Variants in SEMA4A observed in about 807,000 individuals in gnomAD.
SEMA4A encodes semaphorin-4A.
In SEMA4A, 52 loss-of-function variants were observed where a neutral mutation model predicts 72.5. The ratio of observed to expected loss-of-function variants is 0.72; its 90% confidence interval spans 0.57 to 0.90. The LOEUF (loss-of-function observed/expected upper bound fraction) is 0.90. SEMA4A is among the 40% of genes least tolerant of loss of function. The pLI is 0.00. For missense variants in SEMA4A, 926 were observed against 959.7 expected (o/e 0.96, Z 0.46); for synonymous variants, 369 against 393.1 (o/e 0.94, Z 0.73).
intron 10 of SEMA4A, among the ~76,000 whole-genome samples, chr1:156,164,603 C>T (rs1471383970): frequency 6.6e-6 from 1 of 152,166 alleles, no homozygotes; most frequent in African/African-American, 2.4e-5. Context: ...ACAGTAACTG[C>T]ACCCACCCCC....
upstream of SEMA4A, among the ~76,000 whole-genome samples, chr1:156,151,386 G>A (rs749200945): frequency 6.6e-6 from 1 of 152,234 alleles, no homozygotes; most frequent in South Asian, 2.1e-4. Flanking sequence ...CTGGTGTGAG[G>A]GGTGCACTGC....
rs1383789735 is a variant in SEMA4A at position 156,177,207 on chromosome 1, G to A, written c.*210G>A. Reference sequence around the variant, plus strand: ...TGGGACTCCCTTCTACCAAGCACATGAGCTCTCTAACAGGGTGGGGGCTAC... The same window carrying A: ...TGGGACTCCCTTCTACCAAGCACATAAGCTCTCTAACAGGGTGGGGGCTAC... On this transcript the variant is annotated 3_prime_UTR_variant, in exon 15 of 15. Coordinates refer to ENST00000368285, the MANE Select transcript of SEMA4A (RefSeq NM_022367.4). 3 of 637,074 alleles carry A rather than the reference G, an allele frequency of 4.7e-6. No homozygotes were observed. Among genetic ancestry groups the A allele is most frequent in the East Asian group, 5.5e-5 (2 of 36,392 alleles). The allele number at this position is 637,074 out of a possible 1,614,324, so 39.5% of individuals were successfully genotyped here. A position where few individuals can be genotyped will look rare whatever the true frequency, so the allele number is the denominator to read the frequency against.
In SEMA4A at chr1:156,176,906, G is replaced by C. The variant is rs777183622; in HGVS notation, c.2195G>C (p.Arg732Thr). Reference sequence around the variant, plus strand: ...CCTGGGGAGAAGGCCCCGTTAAGCAGAGAGCAACACCTCCAGTCTCCCAAG... The same window carrying C: ...CCTGGGGAGAAGGCCCCGTTAAGCACAGAGCAACACCTCCAGTCTCCCAAG... ...LRPGEKAPLS[R>T]EQHLQSPKEC... The change falls in exon 15 of 15, where the codon AGA becomes ACA. Residue 732 changes from arginine to threonine, a missense_variant. Coordinates refer to ENST00000368285, the MANE Select transcript of SEMA4A (RefSeq NM_022367.4). 1.9e-6 allele frequency: 3 copies of C among 1,614,246 alleles called. No individual in the cohort carries two copies. Among genetic ancestry groups the C allele is most frequent in the African/African-American group, 1.3e-5 (1 of 75,072 alleles).
chr1:156,176,731 C>G lies in SEMA4A; in HGVS notation c.2020C>G (p.Leu674Val), dbSNP rs201229672. 6.2e-7 allele frequency: 1 copy of G among 1,613,168 alleles called. No individual in the cohort carries two copies. The highest frequency in any genetic ancestry group is 1.3e-5 in the African/African-American group (1 of 75,050). ...PLTRVSGGAA[L>V]AAQQSYWPHF... is the part of the protein sequence containing the mutation. ...GACCAGGGTCAGTGGTGGGGCCGCC[C>G]TGGCTGCCCAGCAGTCCTACTGGCC... is the stretch of plus-strand genomic sequence containing the variant. Residue 674 changes from leucine to valine, a missense_variant, in exon 15 of 15, where the codon CTG becomes GTG. Coordinates refer to ENST00000368285, the MANE Select transcript of SEMA4A (RefSeq NM_022367.4).
intron 7 of SEMA4A, 114 bp downstream of exon 7, chr1:156,160,673 T>C (rs987843406): frequency 9.4e-6 from 10 of 1,059,820 alleles, no homozygotes; most frequent in Non-Finnish European, 1.4e-5. Context: ...GCGCAGGGGG[T>C]ATATGGCAGG....
rs765814401 is a variant in SEMA4A at position 156,176,933 on chromosome 1, A to G, written c.2222A>G (p.Glu741Gly). Residue 741 changes from glutamate to glycine, a missense_variant, in exon 15 of 15, where the codon GAA becomes GGA. Physicochemically the swap from Glu to Gly is moderately conservative, Grantham distance 98. Coordinates refer to ENST00000368285, the MANE Select transcript of SEMA4A (RefSeq NM_022367.4). ...GAGCAACACCTCCAGTCTCCCAAGG[A>G]ATGCAGGACCTCTGCCAGTGATGTG... ...SREQHLQSPK[E>G]CRTSASDVDA... 3 of 1,614,122 alleles carry G rather than the reference A, an allele frequency of 1.9e-6. No homozygotes were observed. The highest frequency in any genetic ancestry group is 2.5e-6 in the Non-Finnish European group (3 of 1,180,034).
chr1:156,163,389 T>G, intron 10 of SEMA4A: 1 of 413,390 alleles, frequency 2.4e-6, no homozygotes, highest in Non-Finnish European at 4.5e-6. Context: ...AGGACTGTCT[T>G]GGGCATTGCC....
chr1:156,152,282 A>G (rs56276404), upstream of SEMA4A, among the ~76,000 whole-genome samples: 17,076 of 152,118 alleles, frequency 0.11, 2,314 homozygotes, highest in African/African-American at 0.33. Flanking sequence ...GTCTGGAGGA[A>G]GAACTGGGGG....
At position 156,157,577 on chromosome 1, in the gene SEMA4A, T is replaced by C. The variant is rs12128066; in HGVS notation, c.301-493T>C. On this transcript the variant is annotated intron_variant, in intron 3 of 14. Coordinates refer to ENST00000368285, the MANE Select transcript of SEMA4A (RefSeq NM_022367.4). This position sits in a 1 kb window ranked among gnomAD's most constrained non-coding sequence, Gnocchi z 4.5. Reference sequence around the variant, plus strand: ...CTAGCAATATTAGCAATCACCTCCATGGTTCATGTATCCTGATGTGTAGTC... The same window carrying C: ...CTAGCAATATTAGCAATCACCTCCACGGTTCATGTATCCTGATGTGTAGTC... Among the ~76,000 whole-genome samples, 43,307 of 152,150 alleles carry C rather than the reference T, an allele frequency of 0.28. 7,063 individuals carry two copies. The highest frequency in any genetic ancestry group is 0.37 in the Non-Finnish European group (24,823 of 67,972).
In SEMA4A at chr1:156,161,049, G is replaced by T; in HGVS notation, c.810+20G>T. ...TGCAAGGTCCGCGGCCTGGGCGGGG[G>T]GCGGGGCTAACTGGAGGAGAACCAA... On this transcript the variant is annotated intron_variant, in intron 8 of 14. Coordinates refer to ENST00000368285, the MANE Select transcript of SEMA4A (RefSeq NM_022367.4). 1 of 1,254,058 alleles carries T rather than the reference G, an allele frequency of 8.0e-7. No homozygotes were observed. Among genetic ancestry groups the T allele is most frequent in the South Asian group, 1.2e-5 (1 of 83,356 alleles). 77.7% of individuals were successfully genotyped at this position (1,254,058 alleles called of 1,614,324 possible). A position where few individuals can be genotyped will look rare whatever the true frequency, so the allele number is the denominator to read the frequency against.
chr1:156,158,794 C>A lies in SEMA4A; in HGVS notation c.538C>A (p.Pro180Thr). ...GGGAAAAGGCCAAAGCCCCTTTGAC[C>A]CCGCTCACAAGCATACGGCTGTCTT... ...MEGKGQSPFD[P>T]AHKHTAVLVD... The change falls in exon 6 of 15, where the codon CCC becomes ACC. Residue 180 changes from proline (P) to threonine (T), a missense_variant. Transcript: ENST00000368285. The A allele has an allele frequency of 6.2e-7, 1 of 1,613,978 alleles. No individual in the cohort carries two copies. Among genetic ancestry groups the A allele is most frequent in the South Asian group, 1.1e-5 (1 of 91,064 alleles).
At chr1:156,164,588 A>G (rs1653988414) in intron 10 of SEMA4A, among the ~76,000 whole-genome samples, 2 of 152,182 alleles carry the variant, frequency 1.3e-5, no homozygotes, top group South Asian at 4.1e-4. Flanking sequence ...GACTTGGACC[A>G]ACATACAGTA....
intron 6 of SEMA4A, 195 bp downstream of exon 6, chr1:156,159,019 G>C: frequency 4.1e-6 from 2 of 492,760 alleles, no homozygotes; most frequent in Non-Finnish European, 7.2e-6. Flanking sequence ...GGGCAACACA[G>C]CGAGATCGTC....
chr1:156,175,496 C>A, intron 13 of SEMA4A, 60 bp from the exon 14 acceptor site: 1 of 1,400,200 alleles, frequency 7.1e-7, no homozygotes, highest in Non-Finnish European at 1.0e-6. Context: ...TCCCTTCCTC[C>A]TTCCTCTTCC....
chr1:156,161,780 A>G (rs1653688139), intron 9 of SEMA4A: 2 of 495,564 alleles, frequency 4.0e-6, no homozygotes, highest in Non-Finnish European at 7.1e-6. Flanking sequence ...CAAAAGGCAA[A>G]TATTAAAATC....
chr1:156,165,759 C>G lies in SEMA4A; in HGVS notation c.1134+2665C>G, dbSNP rs188141196. Among the ~76,000 whole-genome samples the G allele has an allele frequency of 1.1e-4, 16 of 151,632 alleles. No individual in the cohort carries two copies. In the East Asian group the frequency reaches 2.7e-3, roughly 26 times the overall value. ...GAATCTTATAGTGCTTTTTCTTTGTCCTGGTGTTCTGAAATTTCATGGTGT... is the reference window on the plus strand; with the variant it reads ...GAATCTTATAGTGCTTTTTCTTTGTGCTGGTGTTCTGAAATTTCATGGTGT... On this transcript the variant is annotated intron_variant, in intron 10 of 14. Transcript: ENST00000368285.
intron 2 of SEMA4A, 154 bp downstream of exon 2, chr1:156,154,871 G>A (rs1400735022): frequency 1.0e-6 from 1 of 976,166 alleles, no homozygotes; most frequent in African/African-American, 1.6e-5. Flanking sequence ...CTCGGAGAAA[G>A]AGAGACACAG....
Position 156,156,430 on chromosome 1 carries a change from A to G in SEMA4A, c.156A>G (p.Ala52=), listed in dbSNP as rs1298253412. 1.9e-6 allele frequency: 3 copies of G among 1,613,982 alleles called. No individual in the cohort carries two copies. Among genetic ancestry groups the G allele is most frequent in the Non-Finnish European group, 2.5e-6 (3 of 1,179,994 alleles). ...VRYYAGDERR[A]LSFFHQKGLQ... ...CTCCAACAGGGGATGAACGTAGGGCACTTAGCTTCTTCCACCAGAAGGGCC... is the reference window on the plus strand; with the variant it reads ...CTCCAACAGGGGATGAACGTAGGGCGCTTAGCTTCTTCCACCAGAAGGGCC... The change falls in exon 3 of 15, where the codon GCA becomes GCG. Residue 52 remains alanine, a synonymous_variant. Transcript: ENST00000368285.
Position 156,174,819 on chromosome 1 carries a change from T to C in SEMA4A, c.1316-3T>C, listed in dbSNP as rs1401030721. On this transcript the variant is annotated splice_region_variant and splice_polypyrimidine_tract_variant and intron_variant, in intron 11 of 14. Transcript: ENST00000368285. ...GACTTCCACTCTCTCTGTCTCCCCA[T>C]AGCCACAGGGTCGCTCCACAAGGCT... The C allele has an allele frequency of 4.3e-6, 7 of 1,614,076 alleles. No homozygotes were observed. The Admixed American group carries it at 6.7e-5, about 15-fold the overall frequency.
Sources: allele counts gnomAD v4.1 joint callset (sites outside exome capture counted in the v4.1 genomes callset), GRCh38; gene constraint gnomAD v4.1.1; non-coding constraint Gnocchi (gnomAD v3.1); transcripts MANE v1.5; gene names NCBI Gene and HGNC (gene_info 2026-07-23, HGNC 2026-07-21).